SAMD8: variants seen among roughly 807,000 people sequenced by gnomAD.
The protein encoded by SAMD8 is sterile alpha motif domain containing 8, also known as sphingomyelin synthase-related protein 1.
Under a neutral mutation model 42.0 loss-of-function variants are expected in SAMD8, and 20 were observed. The ratio of observed to expected loss-of-function variants is 0.48; its 90% CI spans 0.34 to 0.69. The LOEUF (loss-of-function observed/expected upper bound fraction) is 0.69, where lower values mean the gene tolerates loss of function less well. SAMD8 is among the 30% of genes least tolerant of loss of function. SAMD8 has a pLI of 0.01. For synonymous variants in SAMD8, 162 were observed against 173.0 expected, an observed-to-expected ratio of 0.94 and a Z score of 0.50; for missense variants, 328 against 511.6, an observed-to-expected ratio of 0.64 and a Z score of 3.46.
chr10:75,111,535 C>A, upstream of SAMD8: 1 of 1,233,188 alleles, frequency 8.1e-7, no homozygotes. Context: ...GCGGCGGTGA[C>A]GGCGGCCGGG....
chr10:75,100,501 G>C (rs1043554393), intron 1 of SAMD8, among the ~76,000 whole-genome samples: 3 of 152,160 alleles, frequency 2.0e-5, no homozygotes, highest in Admixed American at 2.0e-4. Flanking sequence ...GCCGGTTTCT[G>C]ACACCTGAGA....
At chr10:75,149,122 G>C (rs1449854846) in intron 1 of SAMD8, among the ~76,000 whole-genome samples, 1 of 151,924 alleles carries the variant, frequency 6.6e-6, no homozygotes, top group Non-Finnish European at 1.5e-5. Flanking sequence ...AATCTTCAGA[G>C]GTCTGGAAAG....
chr10:75,120,643 TAA>T (rs1217522270), intron 1 of SAMD8, among the ~76,000 whole-genome samples: 1 of 152,186 alleles, frequency 6.6e-6, no homozygotes, highest in Admixed American at 6.6e-5. Flanking sequence ...AATTTTATGT[TAA>T]GTCGTTATAT....
chr10:75,156,638 CA>C (rs777186335), intron 2 of SAMD8, among the ~76,000 whole-genome samples: 44 of 137,622 alleles, frequency 3.2e-4, no homozygotes, highest in Middle Eastern at 3.8e-3. Context: ...TCATCTTGTC[CA>C]AAAAAAAAAA....
chr10:75,114,501 T>C (rs1199084558), intron 1 of SAMD8, among the ~76,000 whole-genome samples: 2 of 152,250 alleles, frequency 1.3e-5, no homozygotes, highest in Admixed American at 6.5e-5. Context: ...TTTTTTATTT[T>C]GTTAATCATT....
At chr10:75,105,356 T>C (rs1328556704) in intron 1 of SAMD8, among the ~76,000 whole-genome samples, 1 of 152,124 alleles carries the variant, frequency 6.6e-6, no homozygotes, top group East Asian at 1.9e-4. Context: ...ATTTTATGCT[T>C]TCCACACCCT....
At chr10:75,114,463 T>C (rs1848833613) in intron 1 of SAMD8, among the ~76,000 whole-genome samples, 2 of 152,354 alleles carry the variant, frequency 1.3e-5, no homozygotes, top group Admixed American at 1.3e-4. Flanking sequence ...CAAAAGCTTA[T>C]TCACATTGCA....
intron 1 of SAMD8, among the ~76,000 whole-genome samples, chr10:75,129,974 C>G (rs1440261566): frequency 1.4e-4 from 21 of 152,028 alleles, no homozygotes; most frequent in African/African-American, 2.4e-5. Context: ...TAAATTGAAT[C>G]CTGATTTTTG....
chr10:75,106,767 A>G (rs138027328), upstream of SAMD8, among the ~76,000 whole-genome samples: 177 of 152,378 alleles, frequency 1.2e-3, 1 homozygote, highest in African/African-American at 4.2e-3. Context: ...CCAGGCACGT[A>G]GTGGATACTC....
intron 1 of SAMD8, among the ~76,000 whole-genome samples, chr10:75,102,936 G>C (rs1189119037): frequency 6.6e-6 from 1 of 152,158 alleles, no homozygotes; most frequent in African/African-American, 2.4e-5. Flanking sequence ...TTGGCAACAA[G>C]AACGAAACTC....
At chr10:75,111,566 C>T, upstream of SAMD8, 1 of 1,249,792 alleles carries the variant, frequency 8.0e-7, no homozygotes, top group South Asian at 3.4e-5. Context: ...CGCGCAGTCG[C>T]CACCGCCCCC....
chr10:75,120,504 C>T (rs990747332), intron 1 of SAMD8, among the ~76,000 whole-genome samples: 4 of 151,902 alleles, frequency 2.6e-5, no homozygotes, highest in South Asian at 4.1e-4. Flanking sequence ...CTCCTGACCT[C>T]GTGATCCGCC....
intron 1 of SAMD8, among the ~76,000 whole-genome samples, chr10:75,127,026 A>G (rs1178520776): frequency 6.6e-6 from 1 of 151,930 alleles, no homozygotes; most frequent in South Asian, 2.1e-4. Context: ...TGTCTCTACT[A>G]AAAAATACAA....
At chr10:75,143,878 TTGA>T (rs1178353351) in intron 1 of SAMD8, among the ~76,000 whole-genome samples, 3 of 152,150 alleles carry the variant, frequency 2.0e-5, no homozygotes, top group Non-Finnish European at 2.9e-5. Context: ...TGGAAGCTGT[TTGA>T]TGTTGTTCCA....
rs1841073622 is a variant in SAMD8 at position 75,181,062 on chromosome 10, GATA to G, written c.*4374_*4376del. Reference sequence around the variant, plus strand: ...ACATTTTCTTCATACTAAAGGTAATGATAATATAGTCATTTGCCAGTACTTTAA... The same window carrying G: ...ACATTTTCTTCATACTAAAGGTAATGATATAGTCATTTGCCAGTACTTTAA... On this transcript the variant is annotated 3_prime_UTR_variant, in exon 6 of 6. Coordinates refer to ENST00000542569, the MANE Select transcript of SAMD8 (RefSeq NM_001174156.2). 6.6e-6 allele frequency: 1 copy of G among 152,098 alleles called. No individual in the cohort carries two copies. The highest frequency in any genetic ancestry group is 2.4e-5 in the African/African-American group (1 of 41,428). The allele number at this position is 152,098 out of a possible 1,614,324, so 9.4% of individuals were successfully genotyped here.
Position 75,105,525 on chromosome 10 carries a change from C to G in SAMD8, c.-16+5797C>G. On this transcript the variant is annotated intron_variant, in intron 1 of 3. Coordinates refer to the SAMD8 transcript ENST00000447533. ...AGCAGTTTGGAGAGAGGGCCAGGCC[C>G]CCTTTAATCCTCACTTCCAGCCACA... 3 of 879,676 alleles carry G rather than the reference C, an allele frequency of 3.4e-6. No homozygotes were observed. In the South Asian group the frequency reaches 5.1e-5, roughly 15 times the overall value. The allele number at this position is 879,676 out of a possible 1,614,324, so 54.5% of individuals were successfully genotyped here.
At chr10:75,140,981 AT>A (rs966111622) in intron 1 of SAMD8, among the ~76,000 whole-genome samples, 5 of 152,006 alleles carry the variant, frequency 3.3e-5, no homozygotes, top group East Asian at 1.9e-4. Context: ...AGTATTTAAT[AT>A]TTTTTATGCT....
intron 1 of SAMD8, chr10:75,101,793 G>A: frequency 4.1e-5 from 27 of 654,728 alleles, no homozygotes; most frequent in South Asian, 8.7e-5. Flanking sequence ...ACAGGCACAA[G>A]TGTCCTGGCC....
At chr10:75,108,000 G>C, upstream of SAMD8, 1 of 1,612,258 alleles carries the variant, frequency 6.2e-7, no homozygotes, top group Non-Finnish European at 8.5e-7. Flanking sequence ...ACCCCCAGGC[G>C]TGTTGAGGGC....
Sources: gnomAD v4.1 joint callset for allele counts (sites outside exome capture counted in the v4.1 genomes callset) on GRCh38, gnomAD v4.1.1 for gene constraint, MANE v1.5 for transcripts, NCBI Gene and HGNC (gene_info 2026-07-23, HGNC 2026-07-21) for gene names.